MYH11: variants seen among roughly 807,000 people sequenced by gnomAD.
MYH11 encodes myosin heavy chain 11.
In MYH11, 80 loss-of-function variants were observed where a neutral mutation model predicts 246.6. The ratio of observed to expected loss-of-function variants is 0.32; its 90% confidence interval spans 0.27 to 0.39. The LOEUF (loss-of-function observed/expected upper bound fraction) is 0.39. Among genes scored for constraint, MYH11 ranks in the 10% least tolerant of loss-of-function variants. MYH11 has a pLI of 1.00. For missense variants in MYH11, 2,158 were observed against 2,546.8 expected (o/e 0.85, Z 3.29); for synonymous variants, 1,071 against 1,015.5 (o/e 1.05, Z -1.04).
Position 15,732,670 on chromosome 16 carries a change from G to A in MYH11, c.3545C>T (p.Ala1182Val). 2 of 1,614,206 alleles carry A rather than the reference G, an allele frequency of 1.2e-6. No homozygotes were observed. The highest frequency in any genetic ancestry group is 1.7e-6 in the Non-Finnish European group (2 of 1,180,048). The stretch of plus-strand genomic sequence containing the variant: ...ATGGGACCGCGTCTCTTCATCCAGG[G>A]CCTTCTTCAGCACCGTCACCTCCTG... The part of the protein sequence containing the change: ...REQEVTVLKK[A>V]LDEETRSHEA... Residue 1182 changes from alanine (A) to valine (V), a missense_variant, in exon 27 of 41, where the codon GCC (alanine) becomes GTC (valine). By Grantham distance (64) the Ala-to-Val change is moderately conservative (BLOSUM62 0). Coordinates refer to ENST00000300036, the MANE Select transcript of MYH11 (RefSeq NM_002474.3).
In MYH11 at chr16:15,719,263, T is replaced by C. The variant is rs566447086; in HGVS notation, c.5128A>G (p.Lys1710Glu). ...ERARKQADLE[K>E]EELAEELASS... ...GCCAGCTCCTCTGCCAGTTCCTCCT[T>C]CTCGAGGTCCGCTTGTTTGCGAGCC... The change falls in exon 36 of 41, where the codon AAG becomes GAG. Residue 1710 changes from lysine (K) to glutamate (E), a missense_variant. Around this residue, in one of 11 missense-constraint regions of MYH11, gnomAD observed 1,013 missense variants for 993.5 expected, o/e 1.02. Transcript: ENST00000300036. The C allele has an allele frequency of 2.7e-5, 44 of 1,613,380 alleles. No individual in the cohort carries two copies. Among genetic ancestry groups the C allele is most frequent in the East Asian group, 4.5e-5 (2 of 44,886 alleles).
At chr16:15,833,097 G>A (rs2151376505) in intron 2 of MYH11, among the ~76,000 whole-genome samples, 1 of 151,268 alleles carries the variant, frequency 6.6e-6, no homozygotes, top group Non-Finnish European at 1.5e-5. Context: ...AGGAGTTCGA[G>A]ATCTGTTTGG....
chr16:15,802,521 T>A (rs1366365525), intron 3 of MYH11, among the ~76,000 whole-genome samples: 1 of 152,230 alleles, frequency 6.6e-6, no homozygotes. Flanking sequence ...TGATCTCAGC[T>A]CACTGCAACC....
intron 1 of MYH11, among the ~76,000 whole-genome samples, chr16:15,852,858 T>C (rs916686642): frequency 2.0e-5 from 3 of 152,110 alleles, no homozygotes; most frequent in South Asian, 2.1e-4. Context: ...CTTGCAAAAG[T>C]TGGGGAACCA....
intron 3 of MYH11, among the ~76,000 whole-genome samples, chr16:15,804,702 C>T (rs2042969711): frequency 6.6e-6 from 1 of 152,146 alleles, no homozygotes; most frequent in Non-Finnish European, 1.5e-5. Flanking sequence ...CGCCAATTTG[C>T]TTTCTGTCTC....
intron 37 of MYH11, 83 bp downstream of exon 37, chr16:15,718,232 G>A (rs972971097): frequency 3.8e-6 from 6 of 1,596,092 alleles, no homozygotes; most frequent in Non-Finnish European, 4.2e-6. Flanking sequence ...ACAGGAAGCC[G>A]CCACGCGTGT....
At chr16:15,847,458 T>C (rs7202176) in intron 1 of MYH11, among the ~76,000 whole-genome samples, 35,284 of 151,700 alleles carry the variant, frequency 0.23, 4,271 homozygotes, top group East Asian at 0.43. Flanking sequence ...CACCATGTTG[T>C]CCAGGCTGAG....
rs754419531 is a variant in MYH11, at chr16:15,798,698, A to T, written c.503-11T>A. On this transcript the variant is annotated splice_polypyrimidine_tract_variant and intron_variant, in intron 3 of 40. Coordinates refer to ENST00000300036, the MANE Select transcript of MYH11 (RefSeq NM_002474.3). ...ACTGGTCCTCCCGATCTGCAAACAG[A>T]AAGAAGAAAAAAGAGCCATGAATTA... 6.2e-7 allele frequency: 1 copy of T among 1,613,052 alleles called. No individual in the cohort carries two copies. The highest frequency in any genetic ancestry group is 1.3e-5 in the African/African-American group (1 of 74,504).
At chr16:15,737,768 C>G in intron 24 of MYH11, 148 bp from the exon 25 acceptor site, 1 of 762,486 alleles carries the variant, frequency 1.3e-6, no homozygotes, top group Non-Finnish European at 2.2e-6. Context: ...CATTATCTCC[C>G]GATGAACAGC....
chr16:15,763,545 A>G (rs1380895496), intron 10 of MYH11, among the ~76,000 whole-genome samples: 4 of 152,092 alleles, frequency 2.6e-5, no homozygotes, highest in Admixed American at 1.3e-4. Flanking sequence ...AAAATTTTGT[A>G]TTTAAAAAAA....
At chr16:15,732,306 C>T (rs1360819628) in intron 27 of MYH11, among the ~76,000 whole-genome samples, 2 of 151,958 alleles carry the variant, frequency 1.3e-5, no homozygotes, top group Non-Finnish European at 2.9e-5. Flanking sequence ...CACTATGTTG[C>T]CCAGGCTGGT....
At chr16:15,823,866 A>C (rs216157) in intron 2 of MYH11, among the ~76,000 whole-genome samples, 3 of 152,130 alleles carry the variant, frequency 2.0e-5, no homozygotes, top group Non-Finnish European at 1.5e-5. Context: ...GGCTCAAGCA[A>C]TTCTCTCATT....
chr16:15,788,095 T>TTTTTTTTTTTTTTTTTTTTTTTAA, intron 4 of MYH11, among the ~76,000 whole-genome samples: 1 of 99,522 alleles, frequency 1.0e-5, no homozygotes, highest in Admixed American at 1.2e-4. Context: ...TTTTTTTTTT[T>TTTTTTTTTTTTTTTTTTTTTTTAA]ACCAAGATGG....
chr16:15,793,081 A>T (rs1172465573), intron 4 of MYH11, among the ~76,000 whole-genome samples: 1 of 152,046 alleles, frequency 6.6e-6, no homozygotes, highest in Non-Finnish European at 1.5e-5. Flanking sequence ...CAGGGCCTGG[A>T]AGCACCCCCT....
intron 3 of MYH11, among the ~76,000 whole-genome samples, chr16:15,819,446 G>T (rs2043346711): frequency 6.6e-6 from 1 of 152,048 alleles, no homozygotes; most frequent in Admixed American, 6.6e-5. Context: ...TCCAATTACT[G>T]CCTGAGCTCT....
intron 14 of MYH11, 94 bp from the exon 15 acceptor site, chr16:15,753,602 C>T (rs2041632717): frequency 3.1e-5 from 29 of 942,604 alleles, no homozygotes; most frequent in Non-Finnish European, 5.2e-6. Flanking sequence ...CCTTCCAGAT[C>T]TTCTGAGGTC....
At chr16:15,850,415 T>C (rs1252956538) in intron 1 of MYH11, among the ~76,000 whole-genome samples, 3 of 151,882 alleles carry the variant, frequency 2.0e-5, no homozygotes, top group Non-Finnish European at 4.4e-5. Context: ...GTAAATTAAA[T>C]ATCCCAGAGC....
At chr16:15,763,741 T>TACCC in intron 10 of MYH11, 55 bp downstream of exon 10, 1 of 646,862 alleles carries the variant, frequency 1.5e-6, no homozygotes, top group Non-Finnish European at 2.9e-6. Flanking sequence ...AAATGTCACC[T>TACCC]CCCCCACCCC....
intron 9 of MYH11, among the ~76,000 whole-genome samples, chr16:15,768,698 C>A (rs1031039832): frequency 2.6e-5 from 4 of 152,152 alleles, no homozygotes; most frequent in African/African-American, 9.7e-5. Context: ...AGTGACAAAT[C>A]ATCTTCACTT....
Sources: allele counts gnomAD v4.1 joint callset (sites outside exome capture counted in the v4.1 genomes callset), GRCh38; gene constraint gnomAD v4.1.1; regional missense constraint gnomAD v4.1.1; transcripts MANE v1.5; gene names NCBI Gene and HGNC (gene_info 2026-07-23, HGNC 2026-07-21).